Variants in ATAD3A observed in about 807,000 individuals in gnomAD.
The protein encoded by ATAD3A is ATPase family AAA domain-containing protein 3A.
A neutral mutation model predicts 73.8 loss-of-function variants in ATAD3A; 46 were observed. The ratio of observed to expected loss-of-function variants is 0.62; its 90% CI spans 0.49 to 0.80. The LOEUF is 0.80. ATAD3A is among the 30% of genes least tolerant of loss of function. ATAD3A has a pLI of 0.00. For synonymous variants in ATAD3A, 319 were observed against 350.0 expected, an observed-to-expected ratio of 0.91 and a Z score of 0.99; for missense variants, 705 against 838.0, an observed-to-expected ratio of 0.84 and a Z score of 1.96.
chr1:1,523,564 C>G lies in ATAD3A; in HGVS notation c.960C>G (p.Leu320=), dbSNP rs112145664. 1 of 1,612,832 alleles carries G rather than the reference C, an allele frequency of 6.2e-7. No homozygotes were observed. The part of the protein sequence containing the change: ...RPQDALEGVV[L]SPSLEARVRD... ...AGGACGCGCTGGAGGGTGTTGTGCT[C>G]AGTGTAAGTCGGTGTGCCTGGGACC... The change falls in exon 9 of 16, where the codon CTC becomes CTG. Residue 320 remains leucine (L), a synonymous_variant. Transcript: ENST00000378756. The surrounding 1 kb of genome is among the most constrained non-coding windows in gnomAD (Gnocchi z 5.1).
intron 11 of ATAD3A, 44 bp from the exon 12 acceptor site, chr1:1,525,196 C>T: frequency 3.7e-6 from 6 of 1,612,588 alleles, no homozygotes; most frequent in African/African-American, 1.3e-5. Flanking sequence ...GTGGGCTGCT[C>T]CTGGTGTCAC....
intron 14 of ATAD3A, 138 bp from the exon 15 acceptor site, chr1:1,529,085 C>T: frequency 1.5e-6 from 2 of 1,321,568 alleles, no homozygotes; most frequent in Non-Finnish European, 2.1e-6. Context: ...GGATGTGGAG[C>T]TGGGCTGTCA....
In ATAD3A at chr1:1,527,882, A is replaced by G. The variant is rs544986939; in HGVS notation, c.1505+20A>G. ...AAAGCAGTAAGTGTCCCGCCCCACC[A>G]GCCCCCGTCCAGGGGCCCTCGCTCA... is the stretch of plus-strand genomic sequence containing the variant. On this transcript the variant is annotated intron_variant, in intron 14 of 15. Coordinates refer to ENST00000378756, the MANE Select transcript of ATAD3A (RefSeq NM_001170535.3). 1.2e-6 allele frequency: 2 copies of G among 1,605,488 alleles called. No individual in the cohort carries two copies. The highest frequency in any genetic ancestry group is 1.3e-5 in the African/African-American group (1 of 74,764).
Position 1,516,998 on chromosome 1 carries a change from C to T in ATAD3A, c.283-313C>T, listed in dbSNP as rs914158799. On this transcript the variant is annotated intron_variant, in intron 2 of 15. Coordinates refer to ENST00000378756, the MANE Select transcript of ATAD3A (RefSeq NM_001170535.3). ...AAGTGCTGGGATTATAAGCGAGAGC[C>T]GTCGCACCCGGTCCACTCAGCAGGA... The T allele has an allele frequency of 2.4e-5, 31 of 1,299,460 alleles. No individual in the cohort carries two copies. In the Admixed American group the frequency reaches 4.8e-4, roughly 20 times the overall value. The allele number at this position is 1,299,460 out of a possible 1,614,324, so 80.5% of individuals were successfully genotyped here. A position where few individuals can be genotyped will look rare whatever the true frequency, so the allele number is the denominator to read the frequency against.
intron 15 of ATAD3A, among the ~76,000 whole-genome samples, chr1:1,531,707 G>A (rs904729083): frequency 2.0e-5 from 3 of 151,918 alleles, no homozygotes; most frequent in Admixed American, 2.0e-4. Flanking sequence ...GAACCCGGGA[G>A]GCAGAGCTTG....
chr1:1,522,512 C>T (rs1211059188), intron 7 of ATAD3A, among the ~76,000 whole-genome samples: 1 of 152,230 alleles, frequency 6.6e-6, no homozygotes, highest in East Asian at 1.9e-4. Flanking sequence ...ATTTATGCTG[C>T]CAGTTGCAGA....
Position 1,516,991 on chromosome 1 carries a change from C to T in ATAD3A, c.283-320C>T, listed in dbSNP as rs1413808732. ...CCTCCCAAAGTGCTGGGATTATAAGCGAGAGCCGTCGCACCCGGTCCACTC... is the reference window on the plus strand; with the variant it reads ...CCTCCCAAAGTGCTGGGATTATAAGTGAGAGCCGTCGCACCCGGTCCACTC... On this transcript the variant is annotated intron_variant, in intron 2 of 15. Coordinates refer to ENST00000378756, the MANE Select transcript of ATAD3A (RefSeq NM_001170535.3). The T allele has an allele frequency of 3.0e-5, 37 of 1,250,144 alleles. No homozygotes were observed. The East Asian group carries it at 5.9e-4, about 20-fold the overall frequency. 77.4% of individuals were successfully genotyped at this position (1,250,144 alleles called of 1,614,324 possible).
At chr1:1,525,621 A>C (rs138961829) in intron 12 of ATAD3A, among the ~76,000 whole-genome samples, 1 of 152,018 alleles carries the variant, frequency 6.6e-6, no homozygotes. Context: ...TCACCGTGTT[A>C]GCCAGGATGG....
At chr1:1,528,879 A>G (rs1047567874) in intron 14 of ATAD3A, among the ~76,000 whole-genome samples, 1 of 152,186 alleles carries the variant, frequency 6.6e-6, no homozygotes, top group Admixed American at 6.5e-5. Flanking sequence ...CCCTGGCACC[A>G]TGACTTGGCT....
chr1:1,512,637 T>G (rs1037576525), intron 1 of ATAD3A, 164 bp downstream of exon 1: 64 of 1,395,168 alleles, frequency 4.6e-5, no homozygotes, highest in Non-Finnish European at 5.9e-5. Context: ...GCCGGGAGGA[T>G]CGGACTCTTT....
chr1:1,520,794 A>G lies in ATAD3A; in HGVS notation c.750+177A>G, dbSNP rs1641564599. On this transcript the variant is annotated intron_variant, in intron 7 of 15. Transcript: ENST00000378756. The surrounding 1 kb of genome is among the most constrained non-coding windows in gnomAD (Gnocchi z 4.0). ...TTCTCCTCCCTTCTCAAGCTGGGAG[A>G]AGAAAACGCAGTTGCCAGCCTGGGC... is the stretch of plus-strand genomic sequence containing the variant. Among the ~76,000 whole-genome samples, 1 of 152,138 alleles carries G rather than the reference A, an allele frequency of 6.6e-6. No individual in the cohort carries two copies. The highest frequency in any genetic ancestry group is 1.5e-5 in the Non-Finnish European group (1 of 68,014).
chr1:1,514,954 A>G (rs933700853), intron 1 of ATAD3A, among the ~76,000 whole-genome samples: 1 of 152,172 alleles, frequency 6.6e-6, no homozygotes, highest in African/African-American at 2.4e-5. Context: ...GTTCATCGCA[A>G]CATCCACCTC....
chr1:1,523,948 A>G lies in ATAD3A; in HGVS notation c.1073A>G (p.Lys358Arg), dbSNP rs1403303216. ...ATGTACGGGCCACCAGGCACCGGGAAGACGCTGTTTGCCAAGGTGAGAGCG... is the reference window on the plus strand; with the variant it reads ...ATGTACGGGCCACCAGGCACCGGGAGGACGCTGTTTGCCAAGGTGAGAGCG... ...ILMYGPPGTG[K>R]TLFAKKLALH... Residue 358 changes from lysine to arginine, a missense_variant, in exon 10 of 16, where the codon AAG (lysine) becomes AGG (arginine). Around this residue, in one of 5 missense-constraint regions of ATAD3A, gnomAD observed 315 missense variants for 334.1 expected, o/e 0.94. Coordinates refer to ENST00000378756, the MANE Select transcript of ATAD3A (RefSeq NM_001170535.3). The surrounding 1 kb of genome is among the most constrained non-coding windows in gnomAD (Gnocchi z 5.1). The G allele has an allele frequency of 1.9e-6, 3 of 1,613,810 alleles. No individual in the cohort carries two copies. The highest frequency in any genetic ancestry group is 1.7e-5 in the Admixed American group (1 of 60,012).
At chr1:1,527,955 T>A in intron 14 of ATAD3A, 93 bp downstream of exon 14, 1 of 1,277,116 alleles carries the variant, frequency 7.8e-7, no homozygotes. Context: ...ACCTTTAACA[T>A]TCCTTTTTTT....
rs202067494 is a variant in ATAD3A, at chr1:1,523,955, G to A, written c.1080G>A (p.Leu360=). Reference sequence around the variant, plus strand: ...GGCCACCAGGCACCGGGAAGACGCTGTTTGCCAAGGTGAGAGCGCCTGGCT... The same window carrying A: ...GGCCACCAGGCACCGGGAAGACGCTATTTGCCAAGGTGAGAGCGCCTGGCT... ...MYGPPGTGKT[L]FAKKLALHSG... is the part of the protein sequence containing the mutation. The change falls in exon 10 of 16, where the codon CTG becomes CTA. Residue 360 remains leucine, a synonymous_variant. Coordinates refer to ENST00000378756, the MANE Select transcript of ATAD3A (RefSeq NM_001170535.3). This position sits in a 1 kb window ranked among gnomAD's most constrained non-coding sequence, Gnocchi z 5.1. 2.3e-5 allele frequency: 37 copies of A among 1,613,824 alleles called. No homozygotes were observed. The highest frequency in any genetic ancestry group is 3.1e-5 in the Non-Finnish European group (37 of 1,180,018).
At chr1:1,515,559 T>G (rs1641328156) in intron 1 of ATAD3A, among the ~76,000 whole-genome samples, 1 of 152,188 alleles carries the variant, frequency 6.6e-6, no homozygotes, top group South Asian at 2.1e-4. Flanking sequence ...CAGATGCTTG[T>G]CCTCGTCACC....
At chr1:1,519,164 C>T (rs1269729683) in intron 5 of ATAD3A, among the ~76,000 whole-genome samples, 174 bp downstream of exon 5, 1 of 151,272 alleles carries the variant, frequency 6.6e-6, no homozygotes, top group Admixed American at 6.6e-5. Flanking sequence ...CCTCTGTCTG[C>T]GAGTGGACGC....
intron 7 of ATAD3A, among the ~76,000 whole-genome samples, chr1:1,521,066 G>T (rs1290048122): frequency 1.3e-5 from 2 of 152,054 alleles, no homozygotes; most frequent in African/African-American, 4.8e-5. Context: ...GGCAGAGGCA[G>T]AGGCGGGCGG....
rs1283311040 is a variant in ATAD3A, at chr1:1,518,833, T to G, written c.445-88T>G. Reference sequence around the variant, plus strand: ...CCGCAAACGGGCACACTCACCCCCCTGCACACTCGGGCACAGTCATCCCCC... The same window carrying G: ...CCGCAAACGGGCACACTCACCCCCCGGCACACTCGGGCACAGTCATCCCCC... On this transcript the variant is annotated intron_variant, in intron 4 of 15. Transcript: ENST00000378756. The G allele has an allele frequency of 3.1e-6, 5 of 1,598,870 alleles. No homozygotes were observed. In the South Asian group the frequency reaches 4.4e-5, roughly 14 times the overall value.
Sources: allele counts gnomAD v4.1 joint callset (sites outside exome capture counted in the v4.1 genomes callset), GRCh38; gene constraint gnomAD v4.1.1; regional missense constraint gnomAD v4.1.1; non-coding constraint Gnocchi (gnomAD v3.1); transcripts MANE v1.5; gene names NCBI Gene and HGNC (gene_info 2026-07-23, HGNC 2026-07-21).